SMYD3: variants seen among roughly 807,000 people sequenced by gnomAD.
SMYD3 encodes histone-lysine N-methyltransferase SMYD3.
Under a neutral mutation model 57.7 loss-of-function variants are expected in SMYD3, and 36 were observed. The observed-to-expected ratio is 0.62, with a 90% CI of 0.48 to 0.82. The LOEUF is 0.82. Ranked by LOEUF, SMYD3 falls within the 40% of genes least tolerant of loss-of-function variation. The pLI is 0.00. For synonymous variants in SMYD3, 211 were observed against 195.0 expected, an observed-to-expected ratio of 1.08 and a Z score of -0.68; for missense variants, 515 against 538.8, an observed-to-expected ratio of 0.96 and a Z score of 0.44.
intron 2 of SMYD3, among the ~76,000 whole-genome samples, chr1:246,343,206 C>T (rs532335606): frequency 6.6e-6 from 1 of 152,284 alleles, no homozygotes; most frequent in Non-Finnish European, 1.5e-5. Context: ...GATAGTTTGG[C>T]TGGAAAGCAA....
chr1:246,321,322 TTAA>T (rs1467795369), intron 5 of SMYD3, among the ~76,000 whole-genome samples: 1 of 152,206 alleles, frequency 6.6e-6, no homozygotes, highest in African/African-American at 2.4e-5. Context: ...GTAGTAGAAA[TTAA>T]TAATATGTGT....
chr1:246,362,860 T>C lies in SMYD3; in HGVS notation c.165-7766A>G, dbSNP rs534055973. Among the ~76,000 whole-genome samples the C allele has an allele frequency of 5.3e-5, 8 of 151,970 alleles. No individual in the cohort carries two copies. The South Asian group carries it at 1.5e-3, about 28-fold the overall frequency. Reference sequence around the variant, plus strand: ...GCCTTGGCCTCCCAAAGTGCCGAGATTGCAGCCTCTGCCCGGCCGCCACCC... The same window carrying C: ...GCCTTGGCCTCCCAAAGTGCCGAGACTGCAGCCTCTGCCCGGCCGCCACCC... On this transcript the variant is annotated intron_variant, in intron 1 of 11. Coordinates refer to ENST00000490107, the MANE Select transcript of SMYD3 (RefSeq NM_001167740.2).
intron 5 of SMYD3, among the ~76,000 whole-genome samples, chr1:246,074,909 G>T (rs2060520739): frequency 7.7e-6 from 1 of 130,000 alleles, no homozygotes; most frequent in South Asian, 2.7e-4. Flanking sequence ...GCATGCTAAA[G>T]CAATACACAC....
chr1:246,451,588 T>C (rs151201623), intron 1 of SMYD3, among the ~76,000 whole-genome samples: 19 of 152,272 alleles, frequency 1.2e-4, no homozygotes, highest in Non-Finnish European at 2.5e-4. Flanking sequence ...TCAAAACCCA[T>C]AGGATTTACA....
At chr1:245,974,087 A>G (rs905592801) in intron 5 of SMYD3, among the ~76,000 whole-genome samples, 3 of 152,080 alleles carry the variant, frequency 2.0e-5, no homozygotes, top group African/African-American at 7.2e-5. Flanking sequence ...AACAGATGCC[A>G]CTATCTGTTC....
At chr1:245,771,569 C>T (rs562405821) in intron 10 of SMYD3, among the ~76,000 whole-genome samples, 1 of 152,226 alleles carries the variant, frequency 6.6e-6, no homozygotes, top group East Asian at 1.9e-4. Context: ...CAGACATAGA[C>T]TTGATAGCTA....
intron 10 of SMYD3, among the ~76,000 whole-genome samples, chr1:245,796,077 C>T (rs1046765341): frequency 1.3e-5 from 2 of 152,180 alleles, no homozygotes; most frequent in African/African-American, 4.8e-5. Context: ...ACACCACTAA[C>T]ATTGACAGTG....
At chr1:245,987,391 C>A (rs1213356162) in intron 5 of SMYD3, among the ~76,000 whole-genome samples, 8 of 152,174 alleles carry the variant, frequency 5.3e-5, no homozygotes, top group East Asian at 3.8e-4. Flanking sequence ...CTACCCACTA[C>A]ACACCATTAC....
chr1:246,331,205 T>C (rs992054688), intron 3 of SMYD3, among the ~76,000 whole-genome samples: 1 of 151,992 alleles, frequency 6.6e-6, no homozygotes, highest in Non-Finnish European at 1.5e-5. Context: ...ACACTAAAGA[T>C]GGGTAAAAAA....
At chr1:246,422,515 CCTGCGTTCAA>C (rs1242938783) in intron 1 of SMYD3, among the ~76,000 whole-genome samples, 2 of 152,142 alleles carry the variant, frequency 1.3e-5, no homozygotes, top group Non-Finnish European at 2.9e-5. Flanking sequence ...ACTTCCACCT[CCTGCGTTCAA>C]GGGATTCTCC....
intron 5 of SMYD3, among the ~76,000 whole-genome samples, chr1:245,941,082 C>T (rs910226540): frequency 2.0e-5 from 3 of 152,014 alleles, no homozygotes; most frequent in African/African-American, 7.3e-5. Context: ...TGAAGACTGT[C>T]TTGCTGAAAT....
chr1:245,951,523 C>G (rs963567293), intron 5 of SMYD3, among the ~76,000 whole-genome samples: 1 of 136,706 alleles, frequency 7.3e-6, no homozygotes, highest in African/African-American at 3.0e-5. Context: ...GAGCCGAGAT[C>G]GCGCCCCTGC....
chr1:246,048,710 G>T (rs1389329760), intron 5 of SMYD3, among the ~76,000 whole-genome samples: 1 of 151,726 alleles, frequency 6.6e-6, no homozygotes, highest in African/African-American at 2.4e-5. Flanking sequence ...TTCCTCATCA[G>T]CAAACAGGGA....
At chr1:246,065,328 C>T (rs1340025465) in intron 5 of SMYD3, among the ~76,000 whole-genome samples, 9 of 152,172 alleles carry the variant, frequency 5.9e-5, no homozygotes, top group Non-Finnish European at 2.9e-5. Flanking sequence ...AGGACAGATG[C>T]GCGCCTTACT....
chr1:245,946,130 G>T (rs2057421517), intron 5 of SMYD3, among the ~76,000 whole-genome samples: 1 of 152,082 alleles, frequency 6.6e-6, no homozygotes, highest in Non-Finnish European at 1.5e-5. Context: ...ATTTAAAAAA[G>T]GAAACAGCAC....
At chr1:245,765,222 TTAAAA>T (rs2046032816) in intron 10 of SMYD3, among the ~76,000 whole-genome samples, 1 of 99,928 alleles carries the variant, frequency 1.0e-5, no homozygotes, top group Non-Finnish European at 1.8e-5. Flanking sequence ...CCTTTCTCTA[TTAAAA>T]AAAAAAAAAA....
chr1:245,808,266 A>G (rs74727183), intron 10 of SMYD3, among the ~76,000 whole-genome samples: 2,064 of 152,284 alleles, frequency 0.014, 20 homozygotes, highest in Middle Eastern at 0.02. Flanking sequence ...TGTCTCTCAG[A>G]GCCTGGCACC....
chr1:245,955,142 A>G (rs1185615368), intron 5 of SMYD3, among the ~76,000 whole-genome samples: 2 of 152,054 alleles, frequency 1.3e-5, no homozygotes, highest in Non-Finnish European at 2.9e-5. Flanking sequence ...CCCAGGCTGG[A>G]CTGCAGTGGC....
At chr1:246,269,146 G>A (rs866457433) in intron 5 of SMYD3, among the ~76,000 whole-genome samples, 3 of 152,126 alleles carry the variant, frequency 2.0e-5, no homozygotes, top group African/African-American at 7.2e-5. Context: ...TCAAGGCCCA[G>A]GGTTAAGGCC....
Sources: allele counts gnomAD v4.1 joint callset (sites outside exome capture counted in the v4.1 genomes callset), GRCh38; gene constraint gnomAD v4.1.1; transcripts MANE v1.5; gene names NCBI Gene and HGNC (gene_info 2026-07-23, HGNC 2026-07-21).